Variants in SEMA3A observed in about 807,000 individuals in gnomAD.
The protein encoded by SEMA3A is semaphorin-3A.
SEMA3A carries 29 observed loss-of-function variants against 97.9 expected under a neutral mutation model. The ratio of observed to expected loss-of-function variants is 0.30; its 90% CI spans 0.22 to 0.40. The LOEUF is 0.40. SEMA3A is among the 10% of genes least tolerant of loss of function. The pLI is 1.00. For synonymous variants in SEMA3A, 321 were observed against 323.7 expected (o/e 0.99, Z 0.09); for missense variants, 763 against 951.3 (o/e 0.80, Z 2.60).
At chr7:84,303,272 C>T (rs774006443) in intron 3 of SEMA3A, among the ~76,000 whole-genome samples, 12 of 152,154 alleles carry the variant, frequency 7.9e-5, no homozygotes, top group Middle Eastern at 3.4e-3. Flanking sequence ...GCTACTTGAC[C>T]GGGTCACTAA....
intron 3 of SEMA3A, among the ~76,000 whole-genome samples, chr7:84,229,384 T>G (rs148263408): frequency 6.6e-6 from 1 of 152,288 alleles, no homozygotes; most frequent in African/African-American, 2.4e-5. Context: ...CAGCATTTAC[T>G]AGAATCTCAT....
chr7:84,421,268 A>G (rs2116279485), intron 1 of SEMA3A, among the ~76,000 whole-genome samples: 1 of 152,178 alleles, frequency 6.6e-6, no homozygotes, highest in East Asian at 1.9e-4. Flanking sequence ...AAAATTTTAT[A>G]TCCAGCAAAA....
chr7:84,246,111 TGGGCTCCGCC>T (rs1328910362), intron 3 of SEMA3A, among the ~76,000 whole-genome samples: 1 of 152,188 alleles, frequency 6.6e-6, no homozygotes, highest in African/African-American at 2.4e-5. Flanking sequence ...AGCATTGCAG[TGGGCTCCGCC>T]CAGTCTGAAC....
chr7:84,415,204 G>A (rs1168824484), intron 1 of SEMA3A, among the ~76,000 whole-genome samples: 1 of 152,028 alleles, frequency 6.6e-6, no homozygotes, highest in Non-Finnish European at 1.5e-5. Flanking sequence ...AAATCTACCA[G>A]GTGACCTCTG....
At position 84,064,803 on chromosome 7, in the gene SEMA3A, T is replaced by A. The variant is rs1466712126; in HGVS notation, c.454-4245A>T. ...GAGTGACCTACAAAGAGACTTAGAC[T>A]CCCACACATTAATAATGGGAGACTT... is the stretch of plus-strand genomic sequence containing the variant. On this transcript the variant is annotated intron_variant, in intron 4 of 16. Transcript: ENST00000265362. 4.0e-5 allele frequency among the ~76,000 whole-genome samples: 6 copies of A among 150,866 alleles called. No individual in the cohort carries two copies. The East Asian group carries it at 9.8e-4, about 25-fold the overall frequency.
intron 15 of SEMA3A, among the ~76,000 whole-genome samples, chr7:83,965,645 TATATATATATATATATATA>T (rs1562943442): frequency 2.1e-3 from 21 of 10,012 alleles, no homozygotes; most frequent in African/African-American, 8.4e-3. Flanking sequence ...TATATATATA[TATATATATATATATATATA>T]TATTTTTTTT....
At chr7:84,373,282 A>G (rs1275905405) in intron 1 of SEMA3A, among the ~76,000 whole-genome samples, 1 of 152,182 alleles carries the variant, frequency 6.6e-6, no homozygotes, top group Non-Finnish European at 1.5e-5. Flanking sequence ...TAGCTCTTCA[A>G]TACATGTTGA....
intron 6 of SEMA3A, among the ~76,000 whole-genome samples, chr7:84,018,604 T>G (rs1486269095): frequency 6.6e-6 from 1 of 152,144 alleles, no homozygotes; most frequent in Non-Finnish European, 1.5e-5. Flanking sequence ...TAAGTCTTAG[T>G]CAGAAGATAT....
chr7:83,991,335 G>A (rs538764642), intron 12 of SEMA3A, among the ~76,000 whole-genome samples: 471 of 151,814 alleles, frequency 3.1e-3, no homozygotes, highest in African/African-American at 0.011. Flanking sequence ...TAATTGCCCT[G>A]GCCAGAACTT....
chr7:84,193,760 AT>A (rs1258823131), intron 1 of SEMA3A, among the ~76,000 whole-genome samples: 1 of 152,124 alleles, frequency 6.6e-6, no homozygotes. Flanking sequence ...TCTCTCTTTA[AT>A]TTATACTTTT....
intron 4 of SEMA3A, among the ~76,000 whole-genome samples, chr7:84,077,323 T>G (rs2115780313): frequency 6.6e-6 from 1 of 152,252 alleles, no homozygotes. Flanking sequence ...ATCAATGTTT[T>G]TAGTTCCAAA....
chr7:84,096,486 A>G (rs11971623), intron 4 of SEMA3A, among the ~76,000 whole-genome samples: 62,627 of 151,812 alleles, frequency 0.41, 14,782 homozygotes, highest in Non-Finnish European at 0.52. Flanking sequence ...AGTAGTTATG[A>G]GTATACAAAA....
At chr7:84,296,678 T>G (rs1476234969) in intron 3 of SEMA3A, among the ~76,000 whole-genome samples, 4 of 152,200 alleles carry the variant, frequency 2.6e-5, no homozygotes, top group Non-Finnish European at 5.9e-5. Flanking sequence ...TGATTGCATA[T>G]GCTTTTATTT....
chr7:84,132,356 GA>G (rs1272019057), intron 2 of SEMA3A, among the ~76,000 whole-genome samples: 1 of 149,228 alleles, frequency 6.7e-6, no homozygotes, highest in African/African-American at 2.5e-5. Flanking sequence ...AAGATACTGT[GA>G]TATATTCTGA....
At chr7:84,254,430 A>G (rs917264165) in intron 3 of SEMA3A, among the ~76,000 whole-genome samples, 1 of 152,202 alleles carries the variant, frequency 6.6e-6, no homozygotes, top group Non-Finnish European at 1.5e-5. Flanking sequence ...ACTCACTAGG[A>G]AGCAGAATGA....
At chr7:84,329,488 A>C (rs1003798454) in intron 2 of SEMA3A, among the ~76,000 whole-genome samples, 2 of 152,020 alleles carry the variant, frequency 1.3e-5, no homozygotes, top group African/African-American at 4.8e-5. Flanking sequence ...AATGTGGCCC[A>C]CGGGAGCCAA....
chr7:83,989,908 G>A (rs1002022342), intron 12 of SEMA3A, among the ~76,000 whole-genome samples: 21 of 150,670 alleles, frequency 1.4e-4, no homozygotes, highest in Non-Finnish European at 2.8e-4. Context: ...CTTCCACAAT[G>A]GTAGAACTAG....
intron 4 of SEMA3A, among the ~76,000 whole-genome samples, chr7:84,089,533 C>G (rs928758217): frequency 6.6e-6 from 1 of 151,990 alleles, no homozygotes; most frequent in African/African-American, 2.4e-5. Context: ...CTGTAGCCTT[C>G]AGTCATTTGA....
intron 3 of SEMA3A, among the ~76,000 whole-genome samples, chr7:84,223,055 T>G (rs141755621): frequency 6.6e-6 from 1 of 151,852 alleles, no homozygotes; most frequent in Non-Finnish European, 1.5e-5. Flanking sequence ...GCAGGTTCCT[T>G]TGGCATGGCA....
Sources: gnomAD v4.1 joint callset for allele counts (sites outside exome capture counted in the v4.1 genomes callset) on GRCh38, gnomAD v4.1.1 for gene constraint, MANE v1.5 for transcripts, NCBI Gene and HGNC (gene_info 2026-07-23, HGNC 2026-07-21) for gene names.